The following DOP1B variants were observed in gnomAD, a reference collection of about 807,000 sequenced individuals.
The protein encoded by DOP1B is DOP1 leucine zipper like protein B, also known as protein DOP1B.
Under a neutral mutation model 233.5 loss-of-function variants are expected in DOP1B, and 174 were observed. The observed-to-expected ratio is 0.75, with a 90% CI of 0.66 to 0.85. The LOEUF is 0.85. DOP1B is among the 40% of genes least tolerant of loss of function. DOP1B has a pLI of 0.00. For synonymous variants in DOP1B, 1,190 were observed against 1,185.6 expected (o/e 1.00, Z -0.08); for missense variants, 2,652 against 2,846.6 (o/e 0.93, Z 1.56).
chr21:36,170,989 T>C (rs2065967486), intron 2 of DOP1B, among the ~76,000 whole-genome samples: 1 of 152,176 alleles, frequency 6.6e-6, no homozygotes, highest in Non-Finnish European at 1.5e-5. Context: ...CTACCTCTGC[T>C]TTGCCTGAGG....
At chr21:36,160,329 G>A (rs769028296) in intron 1 of DOP1B, among the ~76,000 whole-genome samples, 13 of 152,096 alleles carry the variant, frequency 8.5e-5, no homozygotes, top group South Asian at 2.1e-4. Flanking sequence ...GGGTGGGTGT[G>A]CAAGGTGCAG....
In DOP1B at chr21:36,214,432, T is replaced by A. The variant is rs2066536801; in HGVS notation, c.1015-10T>A. 5.0e-6 allele frequency: 8 copies of A among 1,604,572 alleles called. No individual in the cohort carries two copies. The highest frequency in any genetic ancestry group is 6.8e-6 in the Non-Finnish European group (8 of 1,177,376). On this transcript the variant is annotated splice_polypyrimidine_tract_variant and intron_variant, in intron 8 of 36. Coordinates refer to ENST00000691173, the MANE Select transcript of DOP1B (RefSeq NM_001320714.2). ...CGATATTCTAATATGTGGCTTTTTT[T>A]AAATAATAGGGTTTGGCTGAGATAT... is the stretch of plus-strand genomic sequence containing the variant.
chr21:36,186,383 G>A (rs1345036458), intron 2 of DOP1B, among the ~76,000 whole-genome samples: 3 of 151,976 alleles, frequency 2.0e-5, no homozygotes, highest in Non-Finnish European at 4.4e-5. Context: ...TGTGTGGAGT[G>A]TGTGCATGTG....
chr21:36,200,471 G>T lies in DOP1B; in HGVS notation c.461G>T (p.Gly154Val). 1 of 1,611,288 alleles carries T rather than the reference G, an allele frequency of 6.2e-7. No individual in the cohort carries two copies. Among genetic ancestry groups the T allele is most frequent in the Non-Finnish European group, 8.5e-7 (1 of 1,179,478 alleles). Residue 154 changes from glycine (G) to valine (V), a missense_variant, in exon 4 of 37, where the codon GGC (glycine) becomes GTC (valine). By Grantham distance (109) the Gly-to-Val change is moderately radical (BLOSUM62 -3). Transcript: ENST00000691173. Reference protein sequence around the residue: ...LQAFIVGLLPGLEEGSEISDR... With the variant: ...LQAFIVGLLPVLEEGSEISDR... ...GCCTTCATCGTGGGCCTGCTGCCCG[G>T]CCTTGAAGAGGGCTCCGAGATCTCC...
chr21:36,261,656 C>T, intron 24 of DOP1B: 1 of 985,262 alleles, frequency 1.0e-6, no homozygotes. Flanking sequence ...GCCTGTAATC[C>T]CAGCACTTTG....
chr21:36,209,117 TTTTTTG>T (rs1569022381), intron 5 of DOP1B, among the ~76,000 whole-genome samples: 1 of 152,162 alleles, frequency 6.6e-6, no homozygotes, highest in Non-Finnish European at 1.5e-5. Flanking sequence ...CATTAAGGTT[TTTTTTG>T]TTTTTGTTTT....
At chr21:36,199,603 C>G (rs1044405286) in intron 3 of DOP1B, among the ~76,000 whole-genome samples, 6 of 152,046 alleles carry the variant, frequency 3.9e-5, no homozygotes, top group Non-Finnish European at 5.9e-5. Flanking sequence ...GACCCCATGA[C>G]AGGCCCCAGT....
chr21:36,220,192 A>G (rs1724995362), intron 10 of DOP1B, among the ~76,000 whole-genome samples: 1 of 152,160 alleles, frequency 6.6e-6, no homozygotes, highest in Non-Finnish European at 1.5e-5. Context: ...ATCAATGTTA[A>G]TATTTTTCTG....
Position 36,211,772 on chromosome 21 carries a change from C to T in DOP1B, c.780+121C>T. On this transcript the variant is annotated intron_variant, in intron 6 of 36. Coordinates refer to ENST00000691173, the MANE Select transcript of DOP1B (RefSeq NM_001320714.2). The stretch of plus-strand genomic sequence containing the variant: ...ACTCATGGGCATTATTTGCTGGTAG[C>T]CAGTGAAAAGTCCTTGTTCATTTTT... 3.1e-6 allele frequency: 4 copies of T among 1,304,898 alleles called. No individual in the cohort carries two copies. In the South Asian group the frequency reaches 5.2e-5, roughly 17 times the overall value. The allele number at this position is 1,304,898 out of a possible 1,614,324, so 80.8% of individuals were successfully genotyped here. A position where few individuals can be genotyped will look rare whatever the true frequency, so the allele number is the denominator to read the frequency against.
intron 10 of DOP1B, among the ~76,000 whole-genome samples, chr21:36,222,131 C>G (rs1306665247): frequency 6.6e-6 from 1 of 152,044 alleles, no homozygotes; most frequent in Non-Finnish European, 1.5e-5. Context: ...CTCGGCCTCC[C>G]AAAGTGCTGG....
chr21:36,204,217 G>T (rs1299746349), intron 4 of DOP1B, among the ~76,000 whole-genome samples: 1 of 152,156 alleles, frequency 6.6e-6, no homozygotes, highest in Non-Finnish European at 1.5e-5. Flanking sequence ...CAGGTGCCCC[G>T]ACAACAAAGA....
intron 2 of DOP1B, among the ~76,000 whole-genome samples, chr21:36,195,045 A>G (rs2066274038): frequency 6.6e-6 from 1 of 152,038 alleles, no homozygotes; most frequent in Admixed American, 6.6e-5. Context: ...ATCTCTACGA[A>G]AAAATACCAA....
chr21:36,168,777 C>T (rs1237983784), intron 2 of DOP1B, among the ~76,000 whole-genome samples: 1 of 152,042 alleles, frequency 6.6e-6, no homozygotes, highest in Non-Finnish European at 1.5e-5. Flanking sequence ...AGGTGATCTG[C>T]CCGCCTCAAC....
intron 2 of DOP1B, among the ~76,000 whole-genome samples, chr21:36,175,609 A>G (rs1423174265): frequency 6.6e-6 from 1 of 151,892 alleles, no homozygotes; most frequent in Non-Finnish European, 1.5e-5. Context: ...CCTGGCCAAC[A>G]TGGTGAAATC....
Position 36,253,800 on chromosome 21 carries a change from T to C in DOP1B, c.5150T>C (p.Leu1717Pro). The C allele has an allele frequency of 1.2e-6, 2 of 1,613,968 alleles. No homozygotes were observed. Among genetic ancestry groups the C allele is most frequent in the Non-Finnish European group, 1.7e-6 (2 of 1,179,932 alleles). ...KIIPTASASQLTLVDLVCALS... is the reference protein window; with the variant it reads ...KIIPTASASQPTLVDLVCALS... The stretch of plus-strand genomic sequence containing the variant: ...ATCCCAACGGCAAGTGCATCCCAGC[T>C]AACCCTTGTCGACTTGGTGTGTGCA... The change falls in exon 23 of 37, where the codon CTA (leucine) becomes CCA (proline). Residue 1717 changes from leucine to proline, a missense_variant. Physicochemically the swap from Leu to Pro is moderately conservative, Grantham distance 98. Coordinates refer to ENST00000691173, the MANE Select transcript of DOP1B (RefSeq NM_001320714.2).
intron 4 of DOP1B, among the ~76,000 whole-genome samples, chr21:36,204,516 G>T (rs2066405828): frequency 6.6e-6 from 1 of 152,100 alleles, no homozygotes; most frequent in African/African-American, 2.4e-5. Context: ...CCAGGGTCTT[G>T]CTGTGTACCC....
At chr21:36,190,285 A>G (rs2066217164) in intron 2 of DOP1B, among the ~76,000 whole-genome samples, 1 of 151,218 alleles carries the variant, frequency 6.6e-6, no homozygotes, top group Non-Finnish European at 1.5e-5. Context: ...AGATTGCACC[A>G]CTGCACTCCA....
chr21:36,258,762 C>A (rs972180266), intron 23 of DOP1B, among the ~76,000 whole-genome samples: 1 of 152,148 alleles, frequency 6.6e-6, no homozygotes. Flanking sequence ...CTCAGTCCTC[C>A]TATATTCTAG....
chr21:36,246,273 C>G lies in DOP1B; in HGVS notation c.4293C>G (p.Ile1431Met), dbSNP rs1027806194. The change falls in exon 19 of 37, where the codon ATC becomes ATG. Residue 1431 changes from isoleucine to methionine, a missense_variant. By Grantham distance (10) the Ile-to-Met change is conservative. Transcript: ENST00000691173. This position sits in a 1 kb window ranked among gnomAD's most constrained non-coding sequence, Gnocchi z 5.1. ...ESLINLGQDQ[I>M]WSEHPLQIEL... ...TCATTAACTTGGGTCAGGACCAGAT[C>G]TGGAGTGAGCACCCGCTGCAGATTG... is the stretch of plus-strand genomic sequence containing the variant. 1.2e-6 allele frequency: 2 copies of G among 1,613,966 alleles called. No individual in the cohort carries two copies. The highest frequency in any genetic ancestry group is 1.7e-6 in the Non-Finnish European group (2 of 1,180,036).
Sources: allele counts gnomAD v4.1 joint callset (sites outside exome capture counted in the v4.1 genomes callset), GRCh38; gene constraint gnomAD v4.1.1; non-coding constraint Gnocchi (gnomAD v3.1); transcripts MANE v1.5; gene names NCBI Gene and HGNC (gene_info 2026-07-23, HGNC 2026-07-21).